Variants in PALLD observed in about 807,000 individuals in gnomAD.
PALLD encodes the protein palladin.
PALLD carries 61 observed loss-of-function variants against 123.5 expected under a neutral mutation model. The ratio of observed to expected loss-of-function variants is 0.49; its 90% CI spans 0.40 to 0.61. PALLD has a LOEUF of 0.61. Ranked by LOEUF, PALLD falls within the 20% of genes least tolerant of loss-of-function variation. The pLI is 0.00. For synonymous variants in PALLD, 465 were observed against 496.4 expected (o/e 0.94, Z 0.84); for missense variants, 1,273 against 1,377.0 (o/e 0.92, Z 1.20).
At position 168,824,977 on chromosome 4, in the gene PALLD, A is replaced by G. The variant is rs1371878107; in HGVS notation, c.1965-65945A>G. Reference sequence around the variant, plus strand: ...GCTGGGACTACAGACGCACACCACCACACCTGGCTTCTATTTTTTGTAGAG... The same window carrying G: ...GCTGGGACTACAGACGCACACCACCGCACCTGGCTTCTATTTTTTGTAGAG... On this transcript the variant is annotated intron_variant, in intron 10 of 21. Transcript: ENST00000505667. Among the ~76,000 whole-genome samples, 4 of 151,824 alleles carry G rather than the reference A, an allele frequency of 2.6e-5. No individual in the cohort carries two copies. The South Asian group carries it at 6.3e-4, about 24-fold the overall frequency.
At chr4:168,843,901 A>G (rs928668052) in intron 10 of PALLD, 2 of 152,218 alleles carry the variant, frequency 1.3e-5, no homozygotes, top group African/African-American at 4.8e-5. Context: ...ACACCTCGCC[A>G]AAGCCTGGGC....
At chr4:168,684,113 T>C (rs1444484312) in intron 5 of PALLD, among the ~76,000 whole-genome samples, 2 of 152,176 alleles carry the variant, frequency 1.3e-5, no homozygotes. Context: ...TATTGAGTGC[T>C]TAGTACGGTG....
Position 168,825,488 on chromosome 4 carries a change from G to A in PALLD, c.1965-65434G>A, listed in dbSNP as rs557228513. Among the ~76,000 whole-genome samples the A allele has an allele frequency of 7.9e-5, 12 of 152,272 alleles. No individual in the cohort carries two copies. The South Asian group carries it at 1.9e-3, about 24-fold the overall frequency. On this transcript the variant is annotated intron_variant, in intron 10 of 21. Transcript: ENST00000505667. Reference sequence around the variant, plus strand: ...GATAACATAATCCCGTTTATTTGACGCAGAAGATTCGTGTATTGATCCAGA... The same window carrying A: ...GATAACATAATCCCGTTTATTTGACACAGAAGATTCGTGTATTGATCCAGA...
rs141689029 is a variant in PALLD, at chr4:168,791,884, T to C, written c.1964+79961T>C. Among the ~76,000 whole-genome samples, 3 of 152,160 alleles carry C rather than the reference T, an allele frequency of 2.0e-5. No individual in the cohort carries two copies. The East Asian group carries it at 5.8e-4, about 29-fold the overall frequency. On this transcript the variant is annotated intron_variant, in intron 10 of 21. Coordinates refer to ENST00000505667, the MANE Select transcript of PALLD (RefSeq NM_001166108.2). ...TATGTCTCCAAATAAGTACTTCTTT[T>C]ATAACATAAAATCTTCTAAAAAAAA...
chr4:168,857,759 A>G (rs1261777439), intron 10 of PALLD, among the ~76,000 whole-genome samples: 2 of 152,238 alleles, frequency 1.3e-5, no homozygotes, highest in Non-Finnish European at 2.9e-5. Flanking sequence ...TCATCCTGTT[A>G]ATCAAGATCA....
chr4:168,566,056 C>G (rs990989660), intron 2 of PALLD, among the ~76,000 whole-genome samples: 3 of 151,974 alleles, frequency 2.0e-5, no homozygotes, highest in Admixed American at 6.6e-5. Flanking sequence ...CAAAACAGGT[C>G]AGAGATAACA....
intron 2 of PALLD, among the ~76,000 whole-genome samples, chr4:168,571,705 G>C (rs1402779080): frequency 1.3e-5 from 2 of 152,152 alleles, no homozygotes; most frequent in Non-Finnish European, 2.9e-5. Flanking sequence ...CAGAATGCAA[G>C]ATTCTTGAAG....
Position 168,625,502 on chromosome 4 carries a change from G to GATAGATATATATATATAGAT in PALLD, c.909-42685_909-42684insGATATATATATATAGATATA. On this transcript the variant is annotated intron_variant, in intron 2 of 21. Transcript: ENST00000505667. ...TCCAATAAGGGATTAATATCCAGGA[G>GATAGATATATATATATAGAT]ATATATATATATATATCCTATAAGG... Among the ~76,000 whole-genome samples, 11 of 114,430 alleles carry GATAGATATATATATATAGAT rather than the reference G, an allele frequency of 9.6e-5. 1 individual carries two copies. Among genetic ancestry groups the GATAGATATATATATATAGAT allele is most frequent in the African/African-American group, 3.7e-4 (11 of 29,968 alleles). The allele number at this position is 114,430 out of a possible 152,430, so 75.1% of individuals were successfully genotyped here.
At position 168,806,674 on chromosome 4, in the gene PALLD, A is replaced by G. The variant is rs1241390346; in HGVS notation, c.1965-84248A>G. Among the ~76,000 whole-genome samples the G allele has an allele frequency of 3.3e-5, 5 of 152,290 alleles. No homozygotes were observed. In the South Asian group the frequency reaches 1.0e-3, roughly 32 times the overall value. On this transcript the variant is annotated intron_variant, in intron 10 of 21. Transcript: ENST00000505667. ...AGAATCAGGCTGCTATTCACTTATT[A>G]TTGTTTGCTCTTAACTGAGTAAAAA...
chr4:168,533,667 C>T (rs564047636), intron 2 of PALLD, among the ~76,000 whole-genome samples: 1 of 152,050 alleles, frequency 6.6e-6, no homozygotes, highest in Non-Finnish European at 1.5e-5. Context: ...GGGGCTGGAG[C>T]TTGGGAGAGA....
Position 168,584,644 on chromosome 4 carries a change from A to G in PALLD, c.908+72232A>G, listed in dbSNP as rs528856083. Among the ~76,000 whole-genome samples the G allele has an allele frequency of 4.4e-4, 67 of 152,302 alleles. 1 individual carries two copies. Among genetic ancestry groups the G allele is most frequent in the Middle Eastern group, 6.8e-3 (2 of 294 alleles). On this transcript the variant is annotated intron_variant, in intron 2 of 21. Transcript: ENST00000505667. ...CAAGTATGTCAGACACATTGCTTAC[A>G]ATGTCTTCTATTTCAATCTGTGGTT... is the stretch of plus-strand genomic sequence containing the variant.
chr4:168,788,731 A>T (rs1166118261), intron 10 of PALLD, among the ~76,000 whole-genome samples: 4 of 152,182 alleles, frequency 2.6e-5, no homozygotes, highest in African/African-American at 9.7e-5. Context: ...GACGGGGAAT[A>T]CATGGGGAAT....
intron 10 of PALLD, among the ~76,000 whole-genome samples, chr4:168,739,509 G>A (rs2150341707): frequency 6.6e-6 from 1 of 152,238 alleles, no homozygotes; most frequent in Non-Finnish European, 1.5e-5. Context: ...AGCAGAATAG[G>A]GTGACCATAG....
chr4:168,620,760 T>A (rs1774688595), intron 2 of PALLD, among the ~76,000 whole-genome samples: 1 of 152,224 alleles, frequency 6.6e-6, no homozygotes, highest in African/African-American at 2.4e-5. Flanking sequence ...AGACTTCAGA[T>A]GCAGACCCTC....
intron 10 of PALLD, among the ~76,000 whole-genome samples, chr4:168,796,477 C>T (rs533938225): frequency 2.6e-5 from 4 of 152,296 alleles, no homozygotes; most frequent in South Asian, 2.1e-4. Context: ...ATTATTTGCA[C>T]GATTGGCAGT....
At chr4:168,626,486 G>T (rs943378024) in intron 2 of PALLD, among the ~76,000 whole-genome samples, 8 of 151,462 alleles carry the variant, frequency 5.3e-5, no homozygotes, top group Non-Finnish European at 1.0e-4. Flanking sequence ...GAGGCGGGTG[G>T]ATTGCTTCAG....
At chr4:168,597,306 C>CTCATAAA (rs1772090992) in intron 2 of PALLD, among the ~76,000 whole-genome samples, 1 of 152,006 alleles carries the variant, frequency 6.6e-6, no homozygotes, top group African/African-American at 2.4e-5. Context: ...AACAGGCACT[C>CTCATAAA]TCATAAATTC....
At chr4:168,562,070 G>A (rs1452743157) in intron 2 of PALLD, among the ~76,000 whole-genome samples, 2 of 150,242 alleles carry the variant, frequency 1.3e-5, no homozygotes, top group African/African-American at 2.5e-5. Flanking sequence ...CAGAGAAGTG[G>A]AAAGATTGGC....
chr4:168,563,781 CATTG>C (rs1768092154), intron 2 of PALLD, among the ~76,000 whole-genome samples: 1 of 152,138 alleles, frequency 6.6e-6, no homozygotes, highest in East Asian at 1.9e-4. Flanking sequence ...TTTCTCAAGG[CATTG>C]ATTGTCTGTC....
Sources: allele counts gnomAD v4.1 joint callset (sites outside exome capture counted in the v4.1 genomes callset), GRCh38; gene constraint gnomAD v4.1.1; transcripts MANE v1.5; gene names NCBI Gene and HGNC (gene_info 2026-07-23, HGNC 2026-07-21).